ESRRG: variants seen among roughly 807,000 people sequenced by gnomAD.
ESRRG encodes the protein estrogen-related receptor gamma.
A neutral mutation model predicts 44.0 loss-of-function variants in ESRRG; 13 were observed. That is an observed-to-expected ratio of 0.30 (90% CI 0.19 to 0.47). The LOEUF is 0.47. ESRRG is among the 20% of genes least tolerant of loss of function. The pLI is 1.00. For synonymous variants in ESRRG, 215 were observed against 214.6 expected (o/e 1.00, Z -0.02); for missense variants, 395 against 580.6 (o/e 0.68, Z 3.29).
chr1:216,616,652 C>T (rs998978369), intron 3 of ESRRG, among the ~76,000 whole-genome samples: 1 of 152,062 alleles, frequency 6.6e-6, no homozygotes, highest in African/African-American at 2.4e-5. Context: ...CTGTAAAGGC[C>T]TTTGCTGATT....
At chr1:217,073,333 AAGG>A (rs957969867) in intron 1 of ESRRG, among the ~76,000 whole-genome samples, 1 of 151,978 alleles carries the variant, frequency 6.6e-6, no homozygotes, top group African/African-American at 2.4e-5. Context: ...TCAGTTCTTA[AAGG>A]AGATTAGTTG....
At chr1:216,718,260 A>G (rs1293453653) in intron 1 of ESRRG, among the ~76,000 whole-genome samples, 6 of 151,922 alleles carry the variant, frequency 3.9e-5, no homozygotes, top group African/African-American at 7.2e-5. Context: ...ATAAATGTAC[A>G]TGAATACTTT....
intron 1 of ESRRG, among the ~76,000 whole-genome samples, chr1:217,053,211 C>T (rs67402578): frequency 0.26 from 38,144 of 149,494 alleles, 5,224 homozygotes; most frequent in African/African-American, 0.35. Context: ...TCCCAGAACT[C>T]TGTGAGGCTG....
chr1:216,524,234 T>C, intron 5 of ESRRG, among the ~76,000 whole-genome samples: 1 of 137,080 alleles, frequency 7.3e-6, no homozygotes, highest in Middle Eastern at 3.8e-3. Context: ...TATATACATA[T>C]ATATATATAT....
intron 3 of ESRRG, among the ~76,000 whole-genome samples, chr1:216,580,522 T>C (rs900498167): frequency 6.6e-6 from 1 of 152,178 alleles, no homozygotes; most frequent in Non-Finnish European, 1.5e-5. Flanking sequence ...AACTGACTAA[T>C]GAGAGAATTA....
chr1:216,808,613 G>A (rs1490129666), intron 2 of ESRRG, among the ~76,000 whole-genome samples: 2 of 151,970 alleles, frequency 1.3e-5, no homozygotes, highest in Non-Finnish European at 2.9e-5. Context: ...TTTTGTAGAT[G>A]GGGTTTTGCC....
At chr1:216,964,274 A>G (rs2069759356) in intron 1 of ESRRG, among the ~76,000 whole-genome samples, 1 of 152,188 alleles carries the variant, frequency 6.6e-6, no homozygotes, top group Non-Finnish European at 1.5e-5. Flanking sequence ...GAACAGATGT[A>G]AAAACTGCAT....
intron 1 of ESRRG, among the ~76,000 whole-genome samples, chr1:217,123,091 A>C (rs1334007089): frequency 6.6e-6 from 1 of 152,152 alleles, no homozygotes; most frequent in African/African-American, 2.4e-5. Context: ...ACAGCCTAGG[A>C]AATGTTATCC....
At chr1:217,107,770 A>G (rs2092615722) in intron 1 of ESRRG, among the ~76,000 whole-genome samples, 1 of 152,224 alleles carries the variant, frequency 6.6e-6, no homozygotes, top group Admixed American at 6.5e-5. Context: ...AAGATGTTAT[A>G]AAGAGTATTT....
At chr1:216,832,875 C>T (rs2095507893) in intron 2 of ESRRG, among the ~76,000 whole-genome samples, 1 of 151,928 alleles carries the variant, frequency 6.6e-6, no homozygotes, top group Non-Finnish European at 1.5e-5. Flanking sequence ...ACTCAGGAGG[C>T]TGAGGCAGGA....
In ESRRG at chr1:216,804,394, G is replaced by A. The variant is rs80086612; in HGVS notation, c.-13-126903C>T. Among the ~76,000 whole-genome samples, 535 of 152,202 alleles carry A rather than the reference G, an allele frequency of 3.5e-3. 15 individuals carry two copies. The East Asian group carries it at 0.052, about 15-fold the overall frequency. The stretch of plus-strand genomic sequence containing the variant: ...GGATGCCGGCTAGAATCCTAACAAA[G>A]CTACTTCCAACTTGTGCTCAGGCAA... On this transcript the variant is annotated intron_variant, in intron 2 of 7. Coordinates refer to the ESRRG transcript ENST00000359162.
intron 2 of ESRRG, among the ~76,000 whole-genome samples, chr1:216,785,774 G>A (rs1475797139): frequency 1.3e-5 from 2 of 151,888 alleles, no homozygotes; most frequent in African/African-American, 4.8e-5. Flanking sequence ...CTAAACCTTT[G>A]TAGCAACATT....
At chr1:216,599,418 C>G (rs2058887665) in intron 3 of ESRRG, among the ~76,000 whole-genome samples, 2 of 152,128 alleles carry the variant, frequency 1.3e-5, no homozygotes, top group South Asian at 4.1e-4. Flanking sequence ...ATGCTTAATG[C>G]TAAAAATCCT....
At chr1:216,793,790 G>C (rs2094395540) in intron 2 of ESRRG, among the ~76,000 whole-genome samples, 1 of 152,120 alleles carries the variant, frequency 6.6e-6, no homozygotes, top group South Asian at 2.1e-4. Context: ...ATTTTTAAGT[G>C]ACTTGAGGAT....
At chr1:216,568,779 G>A (rs1202037040) in intron 3 of ESRRG, among the ~76,000 whole-genome samples, 6 of 152,138 alleles carry the variant, frequency 3.9e-5, no homozygotes, top group East Asian at 1.9e-4. Context: ...CTAGCCGGGC[G>A]CAGTGGCTCA....
chr1:216,677,616 GA>G (rs2076332031), intron 1 of ESRRG, 125 bp from the exon 2 acceptor site: 1 of 789,890 alleles, frequency 1.3e-6, no homozygotes, highest in South Asian at 1.9e-5. Flanking sequence ...GTAAAAGGAG[GA>G]AAAAAACAGA....
intron 1 of ESRRG, among the ~76,000 whole-genome samples, chr1:216,991,811 CTA>C (rs2075756382): frequency 6.6e-6 from 1 of 152,192 alleles, no homozygotes; most frequent in East Asian, 1.9e-4. Flanking sequence ...CCAATGTAAA[CTA>C]TACATTCTGC....
rs2056688088 is a variant in ESRRG, at chr1:216,552,745, T to C, written c.862+11474A>G. On this transcript the variant is annotated intron_variant, in intron 5 of 6. Transcript: ENST00000408911. ...TTATCTCCAAAGGCCATTCCAGCTC[T>C]ATCATCCCAGAATCGACTTTTTGGG... is the stretch of plus-strand genomic sequence containing the variant. Among the ~76,000 whole-genome samples the C allele has an allele frequency of 2.6e-5, 4 of 152,174 alleles. No individual in the cohort carries two copies. The South Asian group carries it at 8.3e-4, about 31-fold the overall frequency.
intron 1 of ESRRG, among the ~76,000 whole-genome samples, chr1:216,713,453 G>C (rs945298113): frequency 6.6e-6 from 1 of 151,436 alleles, no homozygotes. Flanking sequence ...GAGCACACTA[G>C]CATTTTACAA....
Sources: gnomAD v4.1 joint callset for allele counts (sites outside exome capture counted in the v4.1 genomes callset) on GRCh38, gnomAD v4.1.1 for gene constraint, MANE v1.5 for transcripts, NCBI Gene and HGNC (gene_info 2026-07-23, HGNC 2026-07-21) for gene names.